The following VPS11 variants were observed in gnomAD, a reference collection of about 807,000 sequenced individuals.
VPS11 encodes VPS11 core subunit of CORVET and HOPS complexes.
A neutral mutation model predicts 106.8 loss-of-function variants in VPS11; 51 were observed. The ratio of observed to expected loss-of-function variants is 0.48; its 90% CI spans 0.38 to 0.60. The LOEUF (loss-of-function observed/expected upper bound fraction) is 0.60. Ranked by LOEUF, VPS11 falls within the 20% of genes least tolerant of loss-of-function variation. The probability of loss-of-function intolerance (pLI) is 0.00; values close to 1 mark genes in which losing one functional copy is unlikely to be tolerated. For missense variants in VPS11, 950 were observed against 1,190.0 expected, an observed-to-expected ratio of 0.80 and a Z score of 2.97; for synonymous variants, 453 against 458.7, an observed-to-expected ratio of 0.99 and a Z score of 0.16.
chr11:119,078,885 C>T lies in VPS11; in HGVS notation c.2154C>T (p.Ser718=). ...AGCGCCATGGGGAGCAGGACCCCTC[C>T]TTGTGGGAGCAGGCCCTCAGCTACT... ...VCERHGEQDP[S]LWEQALSYFA... Residue 718 remains serine, a synonymous_variant, in exon 13 of 16, where the codon TCC becomes TCT. Transcript: ENST00000621676. The T allele has an allele frequency of 1.9e-6, 3 of 1,614,032 alleles. No homozygotes were observed. Among genetic ancestry groups the T allele is most frequent in the Non-Finnish European group, 2.5e-6 (3 of 1,179,898 alleles).
chr11:119,079,335 G>C, intron 14 of VPS11, 35 bp downstream of exon 14: 2 of 1,545,854 alleles, frequency 1.3e-6, no homozygotes, highest in African/African-American at 1.4e-5. Flanking sequence ...GGAGTCCAGG[G>C]GATAACTTGC....
Position 119,077,872 on chromosome 11 carries a change from C to T in VPS11, c.1573-6C>T. The T allele has an allele frequency of 6.2e-7, 1 of 1,613,956 alleles. No individual in the cohort carries two copies. The highest frequency in any genetic ancestry group is 8.5e-7 in the Non-Finnish European group (1 of 1,179,824). On this transcript the variant is annotated splice_polypyrimidine_tract_variant and splice_region_variant and intron_variant, in intron 9 of 15. Coordinates refer to ENST00000621676, the MANE Select transcript of VPS11 (RefSeq NM_021729.6). ...ATACACTATTCTGCCCTTTACTTTT[C>T]CACAGAATTATCAGGAAGCCCTTCG...
At chr11:119,068,938 G>T (rs1225400225) in intron 1 of VPS11, among the ~76,000 whole-genome samples, 1 of 780 alleles carries the variant, frequency 1.3e-3, no homozygotes, top group East Asian at 0.036. Flanking sequence ...TTTTAGTAGA[G>T]ACAGGTTTCA....
chr11:119,070,611 C>CT (rs10636140), intron 4 of VPS11: 23,468 of 244,802 alleles, frequency 0.096, 32 homozygotes, highest in Middle Eastern at 0.16. Context: ...AATTTTCTTT[C>CT]TTTTTTTTTT....
intron 15 of VPS11, 40 bp from the exon 16 acceptor site, chr11:119,081,419 T>C: frequency 6.2e-7 from 1 of 1,613,342 alleles, no homozygotes; most frequent in Non-Finnish European, 8.5e-7. Flanking sequence ...ACAAGCACTT[T>C]GATTCTGATT....
Position 119,081,265 on chromosome 11 carries a change from T to G in VPS11, c.2612T>G (p.Ile871Ser). Residue 871 changes from isoleucine (I) to serine (S), a missense_variant, in exon 15 of 16, where the codon ATC (isoleucine) becomes AGC (serine). Ile to Ser is a moderately radical substitution (Grantham distance 142, BLOSUM62 -2). Coordinates refer to ENST00000621676, the MANE Select transcript of VPS11 (RefSeq NM_021729.6). The part of the protein sequence containing the change: ...LPENRKVMDM[I>S]RAQEQKRDLH... Reference sequence around the variant, plus strand: ...GAAAACCGGAAGGTCATGGATATGATCCGGGCCCAGGAACAGAAACGAGAT... The same window carrying G: ...GAAAACCGGAAGGTCATGGATATGAGCCGGGCCCAGGAACAGAAACGAGAT... The G allele has an allele frequency of 6.2e-7, 1 of 1,613,974 alleles. No homozygotes were observed. Among genetic ancestry groups the G allele is most frequent in the African/African-American group, 1.3e-5 (1 of 75,038 alleles).
chr11:119,068,243 G>A (rs971828607), intron 1 of VPS11: 2 of 447,202 alleles, frequency 4.5e-6, no homozygotes, highest in Non-Finnish European at 7.8e-6. Context: ...TTCCTTATCT[G>A]TAGGAGATGT....
chr11:119,081,233 C>T lies in VPS11; in HGVS notation c.2580C>T (p.Cys860=). 1 of 1,614,022 alleles carries T rather than the reference C, an allele frequency of 6.2e-7. No homozygotes were observed. The highest frequency in any genetic ancestry group is 2.2e-5 in the East Asian group (1 of 44,886). The change falls in exon 15 of 16, where the codon TGC becomes TGT. Residue 860 remains cysteine (C), a synonymous_variant. Transcript: ENST00000621676. ...YSESDADCPT[C]LPENRKVMDM... ...AAAGTGATGCTGACTGCCCCACCTG[C>T]CTCCCTGAAAACCGGAAGGTCATGG...
At chr11:119,075,875 C>T (rs1945592954) in intron 7 of VPS11, among the ~76,000 whole-genome samples, 1 of 151,376 alleles carries the variant, frequency 6.6e-6, no homozygotes, top group South Asian at 2.1e-4. Flanking sequence ...GCACTCCAGC[C>T]TGGGCAACAG....
In VPS11 at chr11:119,078,627, C is replaced by T; in HGVS notation, c.1986C>T (p.Val662=). 6.2e-7 allele frequency: 1 copy of T among 1,613,888 alleles called. No homozygotes were observed. Residue 662 remains valine (V), a synonymous_variant, in exon 12 of 16, where the codon GTC becomes GTT. Transcript: ENST00000621676. ...SLLKSGRFCD[V]FDKALVLCQM... is the part of the protein sequence containing the mutation. ...TGAAGAGTGGTCGCTTCTGCGACGT[C>T]TTTGACAAGGCCCTGGTCCTGTGCC... is the stretch of plus-strand genomic sequence containing the variant.
At position 119,077,931 on chromosome 11, in the gene VPS11, G is replaced by A. The variant is rs1945691504; in HGVS notation, c.1626G>A (p.Glu542=). Residue 542 remains glutamate (E), a synonymous_variant, in exon 10 of 16, where the codon GAG becomes GAA. Coordinates refer to ENST00000621676, the MANE Select transcript of VPS11 (RefSeq NM_021729.6). ...YIGKLPFEQA[E]SNMKRYGKIL... ...GCAAGCTGCCTTTTGAGCAGGCAGA[G>A]AGCAACATGAAGCGCTACGGCAAGA... 1 of 1,614,032 alleles carries A rather than the reference G, an allele frequency of 6.2e-7. No individual in the cohort carries two copies. The highest frequency in any genetic ancestry group is 8.5e-7 in the Non-Finnish European group (1 of 1,179,902).
At chr11:119,068,676 G>C (rs1333213514) in intron 1 of VPS11, among the ~76,000 whole-genome samples, 1 of 151,834 alleles carries the variant, frequency 6.6e-6, no homozygotes, top group Non-Finnish European at 1.5e-5. Context: ...TCGAACTCCT[G>C]ACCTCGTGAT....
At chr11:119,079,066 C>T in intron 13 of VPS11, 63 bp from the exon 14 acceptor site, 1 of 1,612,164 alleles carries the variant, frequency 6.2e-7, no homozygotes, top group Non-Finnish European at 8.5e-7. Flanking sequence ...GGGCCCTTCA[C>T]CTTTATCCAG....
intron 3 of VPS11, 112 bp downstream of exon 3, chr11:119,069,689 C>T: frequency 2.1e-6 from 3 of 1,455,928 alleles, no homozygotes; most frequent in Non-Finnish European, 1.9e-6. Flanking sequence ...TGAACTGAGG[C>T]CTTTGCGATA....
At position 119,069,076 on chromosome 11, in the gene VPS11, A is replaced by G. The variant is rs1945263183; in HGVS notation, c.188-120A>G. On this transcript the variant is annotated intron_variant, in intron 1 of 15. Transcript: ENST00000621676. ...CGCCTGGCCTCACTCTTTTTAAGATAAGGAGTATGTGGGAAAATCCTTGAA... is the reference window on the plus strand; with the variant it reads ...CGCCTGGCCTCACTCTTTTTAAGATGAGGAGTATGTGGGAAAATCCTTGAA... The G allele has an allele frequency of 2.5e-5, 30 of 1,203,436 alleles. No homozygotes were observed. The South Asian group carries it at 2.9e-4, about 12-fold the overall frequency. 74.5% of individuals were successfully genotyped at this position (1,203,436 alleles called of 1,614,324 possible). A position where few individuals can be genotyped will look rare whatever the true frequency, so the allele number is the denominator to read the frequency against.
At chr11:119,076,439 T>C in intron 7 of VPS11, among the ~76,000 whole-genome samples, 1 of 150,674 alleles carries the variant, frequency 6.6e-6, no homozygotes, top group African/African-American at 2.5e-5. Context: ...GGCAGAAGAA[T>C]CGCTTGATCC....
In VPS11 at chr11:119,081,216, G is replaced by A. The variant is rs964525986; in HGVS notation, c.2563G>A (p.Ala855Thr). ...HCFESYSESDADCPTCLPENR... is the reference protein window; with the variant it reads ...HCFESYSESDTDCPTCLPENR... ...CTTTGAGAGTTACTCGGAAAGTGAT[G>A]CTGACTGCCCCACCTGCCTCCCTGA... The change falls in exon 15 of 16, where the codon GCT becomes ACT. Residue 855 changes from alanine to threonine, a missense_variant. Ala to Thr is a moderately conservative substitution (Grantham distance 58). Transcript: ENST00000621676. 3 of 1,613,910 alleles carry A rather than the reference G, an allele frequency of 1.9e-6. No homozygotes were observed. The African/African-American group carries it at 4.0e-5, about 22-fold the overall frequency.
At chr11:119,071,296 A>G (rs557782283) in intron 4 of VPS11, among the ~76,000 whole-genome samples, 1 of 152,326 alleles carries the variant, frequency 6.6e-6, no homozygotes, top group African/African-American at 2.4e-5. Flanking sequence ...CTGGTGCCCC[A>G]GATTTACAAC....
chr11:119,068,760 C>CT (rs1239557391), intron 1 of VPS11, among the ~76,000 whole-genome samples: 12 of 142,922 alleles, frequency 8.4e-5, no homozygotes, highest in Non-Finnish European at 1.5e-4. Flanking sequence ...AAATTTTTTT[C>CT]TTTTTTTTGA....
Sources: allele counts gnomAD v4.1 joint callset (sites outside exome capture counted in the v4.1 genomes callset), GRCh38; gene constraint gnomAD v4.1.1; transcripts MANE v1.5; gene names NCBI Gene and HGNC (gene_info 2026-07-23, HGNC 2026-07-21).